The following DIP2C variants were observed in gnomAD, a reference collection of about 807,000 sequenced individuals.
DIP2C encodes disco-interacting protein 2 homolog C.
DIP2C carries 33 observed loss-of-function variants against 192.4 expected under a neutral mutation model. The observed-to-expected ratio is 0.17, with a 90% confidence interval of 0.13 to 0.23. DIP2C has a LOEUF of 0.23. Ranked by LOEUF, DIP2C falls within the 10% of genes least tolerant of loss-of-function variation. DIP2C has a pLI of 1.00. For synonymous variants in DIP2C, 979 were observed against 864.1 expected (o/e 1.13, Z -2.33); for missense variants, 1,537 against 2,110.1 (o/e 0.73, Z 5.32).
chr10:588,965 G>GGA (rs1164376965), intron 1 of DIP2C, among the ~76,000 whole-genome samples: 2 of 152,218 alleles, frequency 1.3e-5, no homozygotes, highest in East Asian at 1.9e-4. Flanking sequence ...GCATCACACA[G>GGA]GAGTCCCGGC....
In DIP2C at chr10:671,121, G is replaced by A. The variant is rs951086881; in HGVS notation, c.85+18373C>T. ...TACGTGGCTATGACCCCATCCCTGC[G>A]GCTCCCCGAGCGTGTGTCCCTGTGT... On this transcript the variant is annotated intron_variant, in intron 1 of 36. Transcript: ENST00000280886. Among the ~76,000 whole-genome samples the A allele has an allele frequency of 7.9e-5, 12 of 152,354 alleles. 2 individuals are homozygous for A. The South Asian group carries it at 2.3e-3, about 29-fold the overall frequency.
chr10:521,782 T>C (rs1025071265), intron 1 of DIP2C, among the ~76,000 whole-genome samples: 6 of 152,178 alleles, frequency 3.9e-5, no homozygotes, highest in Non-Finnish European at 7.3e-5. Flanking sequence ...CAATAGACTT[T>C]TTAAAAAGCG....
At chr10:473,112 C>A (rs941181229) in intron 2 of DIP2C, among the ~76,000 whole-genome samples, 1 of 152,086 alleles carries the variant, frequency 6.6e-6, no homozygotes, top group Non-Finnish European at 1.5e-5. Context: ...AGATTATGTT[C>A]GACTATGAAT....
intron 1 of DIP2C, among the ~76,000 whole-genome samples, chr10:687,668 G>T (rs1217367173): frequency 1.3e-5 from 2 of 152,198 alleles, no homozygotes; most frequent in African/African-American, 4.8e-5. Flanking sequence ...CACCTTCGTC[G>T]AAAGTGGCTT....
chr10:304,569 ACACAC>A (rs1956216626), intron 32 of DIP2C, among the ~76,000 whole-genome samples: 2 of 138,736 alleles, frequency 1.4e-5, no homozygotes, highest in Admixed American at 1.5e-4. Flanking sequence ...ACACACACAC[ACACAC>A]TTCCACATAT....
Position 578,802 on chromosome 10 carries a change from CAT to C in DIP2C, c.86-92274_86-92273del, listed in dbSNP as rs374920122. 6.9e-3 allele frequency among the ~76,000 whole-genome samples: 992 copies of C among 143,422 alleles called. 13 individuals carry two copies. Among genetic ancestry groups the C allele is most frequent in the African/African-American group, 0.027 (910 of 33,456 alleles). The allele number at this position is 143,422 out of a possible 152,430, so 94.1% of individuals were successfully genotyped here. A position where few individuals can be genotyped will look rare whatever the true frequency, so the allele number is the denominator to read the frequency against. On this transcript the variant is annotated intron_variant, in intron 1 of 36. Transcript: ENST00000280886. ...GTGTACAAGCATAAGTGCACTATAA[CAT>C]GTGTGCATGCATAGAGAGCACACAC...
chr10:593,399 C>T (rs1455336225), intron 1 of DIP2C, among the ~76,000 whole-genome samples: 2 of 151,808 alleles, frequency 1.3e-5, no homozygotes, highest in African/African-American at 4.8e-5. Flanking sequence ...CTGTAAATTC[C>T]AACTGCCTTC....
At chr10:472,241 G>A (rs539582706) in intron 3 of DIP2C, among the ~76,000 whole-genome samples, 198 bp downstream of exon 3, 150 of 152,290 alleles carry the variant, frequency 9.8e-4, no homozygotes, top group Middle Eastern at 3.4e-3. Context: ...GCCAACATGG[G>A]CTTGTAAACC....
intron 3 of DIP2C, among the ~76,000 whole-genome samples, chr10:465,084 A>G (rs1289832179): frequency 3.7e-5 from 5 of 133,698 alleles, no homozygotes; most frequent in Admixed American, 1.6e-4. Flanking sequence ...GACACAACCA[A>G]AAAAGAGAAT....
At position 418,990 on chromosome 10, in the gene DIP2C, CAGTCAT is replaced by C. The variant is rs1965988536; in HGVS notation, c.739+69_739+74del. 12 of 1,588,112 alleles carry C rather than the reference CAGTCAT, an allele frequency of 7.6e-6. No individual in the cohort carries two copies. In the East Asian group the frequency reaches 2.7e-4, roughly 36 times the overall value. On this transcript the variant is annotated intron_variant, in intron 6 of 36. Transcript: ENST00000280886. ...ATTGTACCCCAGGAAGAAACACATC[CAGTCAT>C]GGGCACGGAACGGGACGTCAGCACA...
intron 4 of DIP2C, among the ~76,000 whole-genome samples, chr10:424,130 TGA>T (rs1470829035): frequency 5.9e-5 from 9 of 152,178 alleles, no homozygotes; most frequent in Non-Finnish European, 1.0e-4. Context: ...AGGTGAGTTA[TGA>T]GAGACGCCAG....
chr10:687,452 G>A (rs943203), intron 1 of DIP2C, among the ~76,000 whole-genome samples: 107,203 of 152,108 alleles, frequency 0.7, 43,432 homozygotes, highest in South Asian at 0.89. Context: ...ATAGAGCCAC[G>A]GAGCAACCCT....
At chr10:535,663 T>C (rs551822106) in intron 1 of DIP2C, among the ~76,000 whole-genome samples, 7 of 152,142 alleles carry the variant, frequency 4.6e-5, no homozygotes, top group Non-Finnish European at 1.0e-4. Flanking sequence ...TATATTACCA[T>C]CTTTTCTCAA....
chr10:545,697 A>G (rs72635989), intron 1 of DIP2C, among the ~76,000 whole-genome samples: 40,941 of 152,116 alleles, frequency 0.27, 8,032 homozygotes, highest in African/African-American at 0.56. Flanking sequence ...CAGACTGACA[A>G]AATGGGTCTC....
intron 3 of DIP2C, among the ~76,000 whole-genome samples, chr10:456,126 G>A (rs1177971462): frequency 3.6e-4 from 36 of 98,716 alleles, no homozygotes; most frequent in African/African-American, 4.8e-4. Flanking sequence ...AGGGGAGGCC[G>A]TGAGGAGTAA....
chr10:410,176 T>G (rs1301902128), intron 8 of DIP2C, among the ~76,000 whole-genome samples: 1 of 152,248 alleles, frequency 6.6e-6, no homozygotes, highest in Admixed American at 6.5e-5. Flanking sequence ...ACCACAGTAT[T>G]TATCCCCTTG....
chr10:411,406 AATG>A (rs1430603380), intron 8 of DIP2C, among the ~76,000 whole-genome samples: 1 of 152,270 alleles, frequency 6.6e-6, no homozygotes, highest in Non-Finnish European at 1.5e-5. Flanking sequence ...TGGAAAACAG[AATG>A]ATGTTTTACA....
chr10:491,422 A>T (rs116580010), intron 1 of DIP2C, among the ~76,000 whole-genome samples: 3,329 of 152,336 alleles, frequency 0.022, 118 homozygotes, highest in African/African-American at 0.076. Context: ...ATAAGGAGCC[A>T]GGAGGCCCCG....
chr10:377,824 G>T (rs369288464), intron 17 of DIP2C, among the ~76,000 whole-genome samples: 2 of 152,108 alleles, frequency 1.3e-5, no homozygotes, highest in African/African-American at 2.4e-5. Flanking sequence ...TGACAAGGGG[G>T]TATTTTATCT....
Sources: gnomAD v4.1 joint callset for allele counts (sites outside exome capture counted in the v4.1 genomes callset) on GRCh38, gnomAD v4.1.1 for gene constraint, MANE v1.5 for transcripts, NCBI Gene and HGNC (gene_info 2026-07-23, HGNC 2026-07-21) for gene names.